Variants in PPIE observed in about 807,000 individuals in gnomAD.
PPIE encodes the protein peptidylprolyl isomerase E, also known as peptidyl-prolyl cis-trans isomerase E.
In PPIE, 20 loss-of-function variants were observed where a neutral mutation model predicts 38.4. The ratio of observed to expected loss-of-function variants is 0.52; its 90% confidence interval spans 0.37 to 0.76. PPIE has a LOEUF of 0.76. PPIE is among the 30% of genes least tolerant of loss of function. PPIE has a pLI of 0.00. For synonymous variants in PPIE, 142 were observed against 135.7 expected (o/e 1.05, Z -0.32); for missense variants, 322 against 385.8 (o/e 0.83, Z 1.39).
rs547998863 is a variant in PPIE at position 39,748,994 on chromosome 1, C to T, written c.600C>T (p.Gly200=). 46 of 1,613,670 alleles carry T rather than the reference C, an allele frequency of 2.9e-5. 2 individuals are homozygous for T. The highest frequency in any genetic ancestry group is 2.0e-4 in the East Asian group (9 of 44,884). ...TCATCCCCCAGTTCATGTGCCAGGG[C>T]GGTGATTTCACAAACCACAATGGCA... ...HRIIPQFMCQ[G]GDFTNHNGTG... The change falls in exon 8 of 10, where the codon GGC becomes GGT. Residue 200 remains glycine, a synonymous_variant. Coordinates refer to ENST00000324379, the MANE Select transcript of PPIE (RefSeq NM_006112.4).
intron 9 of PPIE, among the ~76,000 whole-genome samples, chr1:39,762,069 C>T (rs1012362326): frequency 3.3e-5 from 5 of 152,202 alleles, no homozygotes; most frequent in East Asian, 1.9e-4. Context: ...GGCCGCCCCA[C>T]GCGTCCTCAT....
At position 39,753,597 on chromosome 1, in the gene PPIE, C is replaced by A; in HGVS notation, c.*242C>A. The stretch of plus-strand genomic sequence containing the variant: ...TCCCCTCCACCATGGGCAGGCTGTG[C>A]AAAAAGCCACTGGCTTTTCTCAGCA... On this transcript the variant is annotated 3_prime_UTR_variant, in exon 10 of 10. Coordinates refer to ENST00000324379, the MANE Select transcript of PPIE (RefSeq NM_006112.4). 1 of 1,348,386 alleles carries A rather than the reference C, an allele frequency of 7.4e-7. No individual in the cohort carries two copies. The highest frequency in any genetic ancestry group is 9.5e-7 in the Non-Finnish European group (1 of 1,054,854). The allele number at this position is 1,348,386 out of a possible 1,614,324, so 83.5% of individuals were successfully genotyped here.
intron 7 of PPIE, 66 bp from the exon 8 acceptor site, chr1:39,748,836 GT>G: frequency 2.7e-6 from 4 of 1,487,430 alleles, no homozygotes; most frequent in Non-Finnish European, 9.1e-7. Context: ...CTAAACCAAA[GT>G]TTTTTCGAGG....
intron 9 of PPIE, chr1:39,762,453 C>T: frequency 1.3e-6 from 2 of 1,491,360 alleles, no homozygotes; most frequent in Non-Finnish European, 1.8e-6. Context: ...TCCACAAACA[C>T]ACAGAGCACT....
Position 39,748,618 on chromosome 1 carries a change from C to G in PPIE, c.509-285C>G, listed in dbSNP as rs1256041232. On this transcript the variant is annotated intron_variant, in intron 7 of 9. Coordinates refer to ENST00000324379, the MANE Select transcript of PPIE (RefSeq NM_006112.4). The stretch of plus-strand genomic sequence containing the variant: ...AGGTGTATGGTACATGCCTGTAGTC[C>G]CAGCTACTCAAGAGGCTGAGGCAGG... The G allele has an allele frequency of 4.0e-5, 15 of 376,196 alleles. 1 individual carries two copies. In the Admixed American group the frequency reaches 6.4e-4, roughly 16 times the overall value. 23.3% of individuals were successfully genotyped at this position (376,196 alleles called of 1,614,324 possible).
intron 7 of PPIE, chr1:39,745,708 G>GT: frequency 1.6e-6 from 1 of 606,838 alleles, no homozygotes; most frequent in South Asian, 3.3e-5. Context: ...TTTTTTAATC[G>GT]TTTTTTAAAA....
chr1:39,745,268 C>T lies in PPIE; in HGVS notation c.385-107C>T. On this transcript the variant is annotated intron_variant, in intron 6 of 9. Transcript: ENST00000324379. ...AAGGCCTTCCCCGTCAGCACTTGCT[C>T]CAGCCTACGCACTGGAGTTGTGTTC... is the stretch of plus-strand genomic sequence containing the variant. The T allele has an allele frequency of 9.5e-6, 14 of 1,478,280 alleles. No homozygotes were observed. The South Asian group carries it at 1.4e-4, about 15-fold the overall frequency. 91.6% of individuals were successfully genotyped at this position (1,478,280 alleles called of 1,614,324 possible). A position where few individuals can be genotyped will look rare whatever the true frequency, so the allele number is the denominator to read the frequency against.
chr1:39,741,826 A>C, intron 3 of PPIE, 69 bp from the exon 4 acceptor site: 3 of 1,564,912 alleles, frequency 1.9e-6, no homozygotes, highest in Non-Finnish European at 2.6e-6. Flanking sequence ...GCTACTGAGC[A>C]TGTGTTTAGA....
chr1:39,756,440 G>T lies in PPIE; in HGVS notation c.*3085G>T. 1 of 985,458 alleles carries T rather than the reference G, an allele frequency of 1.0e-6. No homozygotes were observed. The highest frequency in any genetic ancestry group is 4.7e-5 in the South Asian group (1 of 21,288). 61.0% of individuals were successfully genotyped at this position (985,458 alleles called of 1,614,324 possible). ...GAAACGGTTACAAAGGCTGAAACCA[G>T]GGATGGCAGGCCCAGGATCAGTGCT... On this transcript the variant is annotated 3_prime_UTR_variant, in exon 10 of 10. Transcript: ENST00000324379.
rs889838217 is a variant in PPIE at position 39,754,972 on chromosome 1, A to C, written c.*1617A>C. On this transcript the variant is annotated 3_prime_UTR_variant, in exon 10 of 10. Transcript: ENST00000324379. ...ATAGACCATCACAGTCCCAAGGCCT[A>C]AAATACTTACTATCTGAGCCTTTAC... 10 of 981,856 alleles carry C rather than the reference A, an allele frequency of 1.0e-5. No homozygotes were observed. The highest frequency in any genetic ancestry group is 7.0e-5 in the African/African-American group (4 of 57,154). The allele number at this position is 981,856 out of a possible 1,614,324, so 60.8% of individuals were successfully genotyped here.
intron 7 of PPIE, chr1:39,748,278 A>G (rs531913968): frequency 6.6e-6 from 1 of 152,292 alleles, no homozygotes; most frequent in Non-Finnish European, 1.5e-5. Flanking sequence ...TTGGTGTGAC[A>G]TTTAAGAAAC....
downstream of PPIE, chr1:39,757,088 A>G (rs1648356638): frequency 6.6e-6 from 1 of 152,238 alleles, no homozygotes; most frequent in African/African-American, 2.4e-5. Context: ...CTAGGCCTTT[A>G]AAGGCTATAA....
At chr1:39,746,310 C>T (rs189135680) in intron 7 of PPIE, 1 of 152,276 alleles carries the variant, frequency 6.6e-6, no homozygotes, top group Admixed American at 6.5e-5. Flanking sequence ...TGATAATTGC[C>T]TTGTTTTTGC....
intron 4 of PPIE, chr1:39,742,490 CTTTTTTTTTTTTTT>C (rs5773671): frequency 0.16 from 17,483 of 107,588 alleles, 1,420 homozygotes; most frequent in Admixed American, 0.23. Flanking sequence ...TTCTTTCTTT[CTTTTTTTTTTTTTT>C]TTTTTTTTTA....
Position 39,741,817 on chromosome 1 carries a change from C to T in PPIE, c.175-78C>T, listed in dbSNP as rs141373353. On this transcript the variant is annotated intron_variant, in intron 3 of 9. Coordinates refer to ENST00000324379, the MANE Select transcript of PPIE (RefSeq NM_006112.4). ...GAGGTGGCATTTTTCTGGATTTTTG[C>T]TACTGAGCATGTGTTTAGACACCAT... The T allele has an allele frequency of 1.1e-4, 167 of 1,527,936 alleles. 1 individual carries two copies. In the African/African-American group the frequency reaches 2.0e-3, roughly 19 times the overall value. The allele number at this position is 1,527,936 out of a possible 1,614,324, so 94.6% of individuals were successfully genotyped here. A position where few individuals can be genotyped will look rare whatever the true frequency, so the allele number is the denominator to read the frequency against.
chr1:39,753,839 T>G lies in PPIE; in HGVS notation c.*484T>G. ...ATTTCCTCCCTTGGGCCGATCCCCT[T>G]AGATGTCAGGTGATGTATCTTCACA... On this transcript the variant is annotated 3_prime_UTR_variant, in exon 10 of 10. Transcript: ENST00000324379. 1.0e-6 allele frequency: 1 copy of G among 987,932 alleles called. No homozygotes were observed. Among genetic ancestry groups the G allele is most frequent in the Non-Finnish European group, 1.2e-6 (1 of 831,582 alleles). 61.2% of individuals were successfully genotyped at this position (987,932 alleles called of 1,614,324 possible).
At chr1:39,749,723 C>G (rs1335102246) in intron 8 of PPIE, among the ~76,000 whole-genome samples, 4 of 152,196 alleles carry the variant, frequency 2.6e-5, no homozygotes, top group Non-Finnish European at 5.9e-5. Flanking sequence ...TCCTGTCCCT[C>G]TCCTCTACTT....
rs1036186903 is a variant in PPIE, at chr1:39,753,704, G to C, written c.*349G>C. ...TAAAATAAACCCTAGTTCTTATATT[G>C]CTCTTCCTGCTAGTTCTTGGGAGTT... On this transcript the variant is annotated 3_prime_UTR_variant, in exon 10 of 10. Transcript: ENST00000324379. 1 of 1,060,582 alleles carries C rather than the reference G, an allele frequency of 9.4e-7. No individual in the cohort carries two copies. Among genetic ancestry groups the C allele is most frequent in the Non-Finnish European group, 1.1e-6 (1 of 877,868 alleles). 65.7% of individuals were successfully genotyped at this position (1,060,582 alleles called of 1,614,324 possible).
intron 8 of PPIE, among the ~76,000 whole-genome samples, chr1:39,751,133 G>A (rs777294948): frequency 7.9e-5 from 12 of 152,332 alleles, no homozygotes; most frequent in Middle Eastern, 3.4e-3. Context: ...TGCTATTGGT[G>A]ATACGGCTTT....
Sources: gnomAD v4.1 joint callset for allele counts (sites outside exome capture counted in the v4.1 genomes callset) on GRCh38, gnomAD v4.1.1 for gene constraint, MANE v1.5 for transcripts, NCBI Gene and HGNC (gene_info 2026-07-23, HGNC 2026-07-21) for gene names.